Variants in MYO1A observed in about 807,000 individuals in gnomAD.
The protein encoded by MYO1A is myosin IA, also known as unconventional myosin-Ia.
MYO1A carries 127 observed loss-of-function variants against 138.5 expected under a neutral mutation model. The ratio of observed to expected loss-of-function variants is 0.92; its 90% CI spans 0.79 to 1.06. MYO1A has a LOEUF of 1.06. Among genes scored for constraint, MYO1A ranks in the 50% least tolerant of loss-of-function variants. MYO1A has a pLI of 0.00. For synonymous variants in MYO1A, 477 were observed against 497.5 expected (o/e 0.96, Z 0.55); for missense variants, 1,211 against 1,288.8 (o/e 0.94, Z 0.92).
chr12:57,041,287 T>A lies in MYO1A; in HGVS notation c.1166A>T (p.Asp389Val), dbSNP rs746106732. 17 of 1,613,748 alleles carry A rather than the reference T, an allele frequency of 1.1e-5. No individual in the cohort carries two copies. Among genetic ancestry groups the A allele is most frequent in the Admixed American group, 3.3e-5 (2 of 60,004 alleles). ...LDIYGFEILE[D>V]NSFEQFVINY... ...GATCACAAATTGCTCAAAGCTATTATCCTGAGAGAGGGAGCACAGGTTAGA... is the reference window on the plus strand; with the variant it reads ...GATCACAAATTGCTCAAAGCTATTAACCTGAGAGAGGGAGCACAGGTTAGA... Residue 389 changes from aspartate (D) to valine (V), a missense_variant and splice_region_variant, in exon 14 of 28, where the codon GAT becomes GTT. Asp to Val is a radical substitution (Grantham distance 152, BLOSUM62 -3). Transcript: ENST00000300119.
intron 22 of MYO1A, among the ~76,000 whole-genome samples, chr12:57,034,944 T>C (rs58389529): frequency 0.19 from 28,132 of 152,002 alleles, 3,269 homozygotes; most frequent in African/African-American, 0.34. Context: ...CCAGCCTGGG[T>C]GACAAGAGTG....
chr12:57,030,389 T>G, intron 23 of MYO1A, 73 bp from the exon 24 acceptor site: 1 of 1,260,832 alleles, frequency 7.9e-7, no homozygotes, highest in Non-Finnish European at 1.2e-6. Context: ...GTGAGAAATA[T>G]TGACTAGAAG....
Position 57,028,753 on chromosome 12 carries a change from C to A in MYO1A, c.*2G>T, listed in dbSNP as rs2030099920. ...CTGCCATCTCTGCATGGTGCCCCCT[C>A]CTCACTGCACAGTCACCTCCAAGCA... is the stretch of plus-strand genomic sequence containing the variant. On this transcript the variant is annotated 3_prime_UTR_variant, in exon 28 of 28. Transcript: ENST00000300119. 1 of 1,614,012 alleles carries A rather than the reference C, an allele frequency of 6.2e-7. No individual in the cohort carries two copies. Among genetic ancestry groups the A allele is most frequent in the Non-Finnish European group, 8.5e-7 (1 of 1,179,932 alleles).
Position 57,041,247 on chromosome 12 carries a change from C to T in MYO1A, c.1206G>A (p.Glu402=), listed in dbSNP as rs749329630. The change falls in exon 14 of 28, where the codon GAG becomes GAA. Residue 402 remains glutamate, a synonymous_variant. Coordinates refer to ENST00000300119, the MANE Select transcript of MYO1A (RefSeq NM_005379.4). ...FEQFVINYCN[E]KLQQVFIEMT... Reference sequence around the variant, plus strand: ...TCTCTATGAACACCTGCTGCAGCTTCTCATTGCAGTAGTTGATCACAAATT... The same window carrying T: ...TCTCTATGAACACCTGCTGCAGCTTTTCATTGCAGTAGTTGATCACAAATT... The T allele has an allele frequency of 1.2e-6, 2 of 1,614,128 alleles. No individual in the cohort carries two copies. The highest frequency in any genetic ancestry group is 8.5e-7 in the Non-Finnish European group (1 of 1,180,032).
chr12:57,048,471 C>A, intron 1 of MYO1A, 128 bp from the exon 2 acceptor site: 1 of 700,542 alleles, frequency 1.4e-6, no homozygotes. Context: ...AAGAGAGCCC[C>A]CAACCTAGGA....
At chr12:57,030,148 C>T (rs56270558) in intron 24 of MYO1A, 62 bp downstream of exon 24, 25 of 1,436,298 alleles carry the variant, frequency 1.7e-5, no homozygotes, top group East Asian at 4.5e-5. Flanking sequence ...TTCTAAGGCA[C>T]GCTCAAGTTT....
At chr12:57,045,490 T>C (rs1315021985) in intron 8 of MYO1A, among the ~76,000 whole-genome samples, 1 of 152,118 alleles carries the variant, frequency 6.6e-6, no homozygotes, top group African/African-American at 2.4e-5. Flanking sequence ...AACCAATAGA[T>C]GACAGACCAA....
rs150711550 is a variant in MYO1A, at chr12:57,030,289, G to A, written c.2512C>T (p.Pro838Ser). ...TCCCTCAGGATCTCTACCTGCTTCGGGGACAGCTGATCCCGGAACCTCTTG... is the reference window on the plus strand; with the variant it reads ...TCCCTCAGGATCTCTACCTGCTTCGAGGACAGCTGATCCCGGAACCTCTTG... The part of the protein sequence containing the change: ...KCKRFRDQLS[P>S]KQVEILREKL... Residue 838 changes from proline (P) to serine (S), a missense_variant, in exon 24 of 28, where the codon CCG becomes TCG. Transcript: ENST00000300119. 4.3e-6 allele frequency: 7 copies of A among 1,614,048 alleles called. No individual in the cohort carries two copies. In the African/African-American group the frequency reaches 9.3e-5, roughly 22 times the overall value.
intron 22 of MYO1A, among the ~76,000 whole-genome samples, chr12:57,032,819 A>G (rs763181484): frequency 7.2e-5 from 11 of 152,226 alleles, no homozygotes; most frequent in African/African-American, 1.7e-4. Context: ...GAATTTATAC[A>G]GAAGAATAGC....
intron 23 of MYO1A, among the ~76,000 whole-genome samples, chr12:57,030,676 C>T (rs954781012): frequency 6.6e-6 from 1 of 152,102 alleles, no homozygotes; most frequent in Non-Finnish European, 1.5e-5. Context: ...AAATATGATT[C>T]CCACTTATAT....
intron 1 of MYO1A, among the ~76,000 whole-genome samples, chr12:57,049,515 G>A (rs1032950995): frequency 2.0e-5 from 3 of 152,162 alleles, no homozygotes; most frequent in Admixed American, 1.3e-4. Context: ...TTACCAGAAG[G>A]ACACAACTGA....
chr12:57,049,426 T>A (rs1383274705), intron 1 of MYO1A, among the ~76,000 whole-genome samples: 1 of 152,120 alleles, frequency 6.6e-6, no homozygotes, highest in African/African-American at 2.4e-5. Flanking sequence ...GGAACGGAAG[T>A]GGGGCAAGAA....
In MYO1A at chr12:57,029,472, C is replaced by A. The variant is rs758918100; in HGVS notation, c.2840G>T (p.Ser947Ile). The part of the protein sequence containing the change: ...LDNVAGVSVT[S>I]LKDGLFSLHL... ...CAAGCTAAAGAGCCCATCCTTGAGG[C>A]TGGTGACTGACACCCCAGCCACATT... Residue 947 changes from serine (S) to isoleucine (I), a missense_variant, in exon 26 of 28, where the codon AGC becomes ATC. Coordinates refer to ENST00000300119, the MANE Select transcript of MYO1A (RefSeq NM_005379.4). The A allele has an allele frequency of 4.2e-5, 68 of 1,614,102 alleles. 1 individual carries two copies. The South Asian group carries it at 6.8e-4, about 16-fold the overall frequency.
Position 57,047,700 on chromosome 12 carries a change from C to T in MYO1A, c.252G>A (p.Ala84=), listed in dbSNP as rs199851460. Residue 84 remains alanine (A), a synonymous_variant, in exon 4 of 28, where the codon GCG becomes GCA. Coordinates refer to ENST00000300119, the MANE Select transcript of MYO1A (RefSeq NM_005379.4). ...GGTCCCTGTCCCTCAGTGACTGGTA[C>T]GCCACATTTGCCAATGCGTAGCTTG... ...KPHIYALANV[A]YQSLRDRDRD... is the part of the protein sequence containing the mutation. The T allele has an allele frequency of 5.0e-5, 81 of 1,614,182 alleles. No individual in the cohort carries two copies. The highest frequency in any genetic ancestry group is 2.9e-4 in the South Asian group (26 of 91,082).
At position 57,048,288 on chromosome 12, in the gene MYO1A, A is replaced by T. The variant is rs2031208183; in HGVS notation, c.36T>A (p.Asp12Glu). Residue 12 changes from aspartate (D) to glutamate (E), a missense_variant, in exon 2 of 28, where the codon GAT (aspartate) becomes GAA (glutamate). Coordinates refer to ENST00000300119, the MANE Select transcript of MYO1A (RefSeq NM_005379.4). ...PLLEGSVGVE[D>E]LVLLEPLVEE... ...CCACCAAGGGTTCCAGGAGGACAAG[A>T]TCCTCCACCCCCACAGAACCTTCCA... The T allele has an allele frequency of 6.2e-7, 1 of 1,613,934 alleles. No individual in the cohort carries two copies.
chr12:57,028,709 C>G lies in MYO1A; in HGVS notation c.*46G>C. 6.2e-7 allele frequency: 1 copy of G among 1,610,822 alleles called. No individual in the cohort carries two copies. Among genetic ancestry groups the G allele is most frequent in the African/African-American group, 1.3e-5 (1 of 75,030 alleles). Reference sequence around the variant, plus strand: ...ACAGGAGGGCAGAGGGGGATTAGTGCTGGTTCAGGAGGAAGCAACTGCCAT... The same window carrying G: ...ACAGGAGGGCAGAGGGGGATTAGTGGTGGTTCAGGAGGAAGCAACTGCCAT... On this transcript the variant is annotated 3_prime_UTR_variant, in exon 28 of 28. Transcript: ENST00000300119.
Position 57,040,533 on chromosome 12 carries a change from C to T in MYO1A, c.1269+651G>A, listed in dbSNP as rs952854155. The stretch of plus-strand genomic sequence containing the variant: ...GTATTATGTATCTGATCATTTAAAT[C>T]GTTAAAATTAAAACATACAAAACAA... On this transcript the variant is annotated intron_variant, in intron 14 of 27. Coordinates refer to ENST00000300119, the MANE Select transcript of MYO1A (RefSeq NM_005379.4). Among the ~76,000 whole-genome samples the T allele has an allele frequency of 4.7e-4, 71 of 152,226 alleles. 2 individuals are homozygous for T. Among genetic ancestry groups the T allele is most frequent in the Admixed American group, 2.6e-4 (4 of 15,296 alleles).
rs770071678 is a variant in MYO1A, at chr12:57,047,608, C to A, written c.325+19G>T. 1 of 1,613,428 alleles carries A rather than the reference C, an allele frequency of 6.2e-7. No individual in the cohort carries two copies. Among genetic ancestry groups the A allele is most frequent in the Non-Finnish European group, 8.5e-7 (1 of 1,179,360 alleles). On this transcript the variant is annotated intron_variant, in intron 4 of 27. Coordinates refer to ENST00000300119, the MANE Select transcript of MYO1A (RefSeq NM_005379.4). Reference sequence around the variant, plus strand: ...GTTCCAGAGGTGACTCCATGTGTTCCCCCAGCCAGGGGCCTCACCAGTCTT... The same window carrying A: ...GTTCCAGAGGTGACTCCATGTGTTCACCCAGCCAGGGGCCTCACCAGTCTT...
rs143349718 is a variant in MYO1A at position 57,038,889 on chromosome 12, T to C, written c.1453A>G (p.Lys485Glu). 4.6e-5 allele frequency: 74 copies of C among 1,614,082 alleles called. No homozygotes were observed. Among genetic ancestry groups the C allele is most frequent in the Non-Finnish European group, 5.8e-5 (69 of 1,180,056 alleles). The change falls in exon 16 of 28, where the codon AAA (lysine) becomes GAA (glutamate). Residue 485 changes from lysine to glutamate, a missense_variant. Coordinates refer to ENST00000300119, the MANE Select transcript of MYO1A (RefSeq NM_005379.4). ...TGACGCTGGGCATTCTGGGTGACTTTGCTCTCGTAGTGGCCATGCTTGGAG... is the reference window on the plus strand; with the variant it reads ...TGACGCTGGGCATTCTGGGTGACTTCGCTCTCGTAGTGGCCATGCTTGGAG... ...LFSKHGHYESKVTQNAQRQYD... is the reference protein window; with the variant it reads ...LFSKHGHYESEVTQNAQRQYD...
Sources: gnomAD v4.1 joint callset for allele counts (sites outside exome capture counted in the v4.1 genomes callset) on GRCh38, gnomAD v4.1.1 for gene constraint, MANE v1.5 for transcripts, NCBI Gene and HGNC (gene_info 2026-07-23, HGNC 2026-07-21) for gene names.